Variants in CACNG3 observed in about 807,000 individuals in gnomAD.
CACNG3 encodes voltage-dependent calcium channel gamma-3 subunit.
A neutral mutation model predicts 28.5 loss-of-function variants in CACNG3; 3 were observed. That is an observed-to-expected ratio of 0.11 (90% confidence interval 0.05 to 0.27). The LOEUF (loss-of-function observed/expected upper bound fraction) is 0.27, where lower values mean the gene tolerates loss of function less well. Ranked by LOEUF, CACNG3 falls within the 10% of genes least tolerant of loss-of-function variation. CACNG3 has a pLI of 1.00. For synonymous variants in CACNG3, 174 were observed against 162.2 expected (o/e 1.07, Z -0.55); for missense variants, 236 against 414.4 (o/e 0.57, Z 3.74).
intron 1 of CACNG3, among the ~76,000 whole-genome samples, chr16:24,300,854 C>A (rs1431413292): frequency 6.6e-6 from 1 of 152,036 alleles, no homozygotes; most frequent in Non-Finnish European, 1.5e-5. Flanking sequence ...GAGTTTGACA[C>A]CAGCTTGGCC....
At chr16:24,339,772 AAT>A (rs1025318189) in intron 1 of CACNG3, among the ~76,000 whole-genome samples, 4 of 152,084 alleles carry the variant, frequency 2.6e-5, no homozygotes, top group Non-Finnish European at 5.9e-5. Context: ...TATAACTCTT[AAT>A]TCTGTTTTAT....
chr16:24,257,710 A>T (rs1898487108), intron 1 of CACNG3, among the ~76,000 whole-genome samples: 1 of 152,186 alleles, frequency 6.6e-6, no homozygotes. Flanking sequence ...CCAAACCCCT[A>T]AAAAGGTATT....
chr16:24,323,239 A>AAAAAAGAG (rs1555460944), intron 1 of CACNG3, among the ~76,000 whole-genome samples: 11 of 143,024 alleles, frequency 7.7e-5, no homozygotes, highest in African/African-American at 2.8e-4. Flanking sequence ...AAAAAAAAAA[A>AAAAAAGAG]AGAGAGAGAG....
chr16:24,285,159 G>C (rs1898876614), intron 1 of CACNG3, among the ~76,000 whole-genome samples: 1 of 152,178 alleles, frequency 6.6e-6, no homozygotes, highest in Non-Finnish European at 1.5e-5. Context: ...CTCTGGGAAA[G>C]GCACTGTGCT....
intron 3 of CACNG3, among the ~76,000 whole-genome samples, chr16:24,356,271 G>A (rs11864787): frequency 0.3 from 46,180 of 151,842 alleles, 8,194 homozygotes; most frequent in South Asian, 0.53. Context: ...GGACAGCGGT[G>A]GAGAGTATAA....
chr16:24,327,422 A>ATATG (rs1555461115), intron 1 of CACNG3, among the ~76,000 whole-genome samples: 2 of 101,718 alleles, frequency 2.0e-5, no homozygotes, highest in Non-Finnish European at 3.7e-5. Flanking sequence ...GAATATATAT[A>ATATG]TGTGTGTGTG....
chr16:24,257,208 T>C (rs1898470807), intron 1 of CACNG3, among the ~76,000 whole-genome samples: 1 of 151,996 alleles, frequency 6.6e-6, no homozygotes, highest in Non-Finnish European at 1.5e-5. Context: ...TCTAGGCAGC[T>C]TCTGCAGTTT....
chr16:24,361,665 C>G lies in CACNG3; in HGVS notation c.750C>G (p.Ile250Met), dbSNP rs148951012. The change falls in exon 4 of 4, where the codon ATC (isoleucine) becomes ATG (methionine). Residue 250 changes from isoleucine (I) to methionine (M), a missense_variant. By Grantham distance (10) the Ile-to-Met change is conservative. Transcript: ENST00000005284. The surrounding 1 kb of genome is among the most constrained non-coding windows in gnomAD (Gnocchi z 6.8). Reference protein sequence around the residue: ...TEPRSRDLSPISKGFHTIPST... With the variant: ...TEPRSRDLSPMSKGFHTIPST... ...CCAGATCCCGAGACCTGTCCCCCAT[C>G]AGCAAAGGCTTCCACACCATCCCTT... 1 of 1,613,968 alleles carries G rather than the reference C, an allele frequency of 6.2e-7. No homozygotes were observed. Among genetic ancestry groups the G allele is most frequent in the Non-Finnish European group, 8.5e-7 (1 of 1,179,980 alleles).
chr16:24,266,542 A>G (rs1416090757), intron 1 of CACNG3, among the ~76,000 whole-genome samples: 1 of 152,216 alleles, frequency 6.6e-6, no homozygotes, highest in African/African-American at 2.4e-5. Flanking sequence ...AGGAAGAAAA[A>G]GAGGGAAAAC....
intron 1 of CACNG3, among the ~76,000 whole-genome samples, chr16:24,293,222 T>C (rs1297953843): frequency 6.6e-6 from 1 of 152,222 alleles, no homozygotes; most frequent in African/African-American, 2.4e-5. Flanking sequence ...TAGTCTCAGC[T>C]CTGCCCTTAA....
chr16:24,265,350 GGAAAGAAA>G (rs3060119), intron 1 of CACNG3, among the ~76,000 whole-genome samples: 3 of 138,710 alleles, frequency 2.2e-5, no homozygotes, highest in African/African-American at 5.4e-5. Flanking sequence ...GAAAGAAAAA[GGAAAGAAA>G]GAAAGAAAGA....
At chr16:24,323,231 AAAAAAAAAAGAG>A (rs1204525196) in intron 1 of CACNG3, among the ~76,000 whole-genome samples, 1 of 145,198 alleles carries the variant, frequency 6.9e-6, no homozygotes, top group African/African-American at 2.5e-5. Flanking sequence ...AAAAAAAAAA[AAAAAAAAAAGAG>A]AGAGAGAGAA....
At chr16:24,356,386 C>T (rs2141384500) in intron 3 of CACNG3, among the ~76,000 whole-genome samples, 1 of 152,302 alleles carries the variant, frequency 6.6e-6, no homozygotes, top group South Asian at 2.1e-4. Flanking sequence ...GTTTCCTTCA[C>T]TATAACATGG....
chr16:24,302,067 A>G (rs966562709), intron 1 of CACNG3, among the ~76,000 whole-genome samples: 2 of 152,196 alleles, frequency 1.3e-5, no homozygotes, highest in African/African-American at 4.8e-5. Context: ...CTCTCCTGCT[A>G]TCCCCATGCT....
chr16:24,305,926 G>A (rs117076875), intron 1 of CACNG3, among the ~76,000 whole-genome samples: 4,830 of 152,224 alleles, frequency 0.032, 105 homozygotes, highest in Non-Finnish European at 0.051. Context: ...TCTGCCCTGT[G>A]CCTCCCAAAG....
chr16:24,356,643 A>C (rs1900036883), intron 3 of CACNG3, among the ~76,000 whole-genome samples: 1 of 152,118 alleles, frequency 6.6e-6, no homozygotes. Flanking sequence ...TCAAGGCTGC[A>C]GTCAGTCATG....
At chr16:24,307,327 G>A (rs1352001775) in intron 1 of CACNG3, among the ~76,000 whole-genome samples, 1 of 151,954 alleles carries the variant, frequency 6.6e-6, no homozygotes. Context: ...TCACCATGTT[G>A]GCCAGGTTGG....
rs1899871159 is a variant in CACNG3, at chr16:24,346,628, C to G, written c.212-106C>G. The G allele has an allele frequency of 5.4e-6, 4 of 745,448 alleles. No individual in the cohort carries two copies. In the South Asian group the frequency reaches 6.5e-5, roughly 12 times the overall value. 46.2% of individuals were successfully genotyped at this position (745,448 alleles called of 1,614,324 possible). ...GCCTACCAGCCCAACAACCCTACAG[C>G]CCCCAACAACCAGAGAAAGGATCTG... On this transcript the variant is annotated intron_variant, in intron 1 of 3. Coordinates refer to ENST00000005284, the MANE Select transcript of CACNG3 (RefSeq NM_006539.4).
At chr16:24,285,895 G>A (rs1188960446) in intron 1 of CACNG3, among the ~76,000 whole-genome samples, 1 of 147,980 alleles carries the variant, frequency 6.8e-6, no homozygotes, top group Non-Finnish European at 1.5e-5. Flanking sequence ...CCAGGCTGGA[G>A]AGCAGTGGCG....
Sources: allele counts gnomAD v4.1 joint callset (sites outside exome capture counted in the v4.1 genomes callset), GRCh38; gene constraint gnomAD v4.1.1; non-coding constraint Gnocchi (gnomAD v3.1); transcripts MANE v1.5; gene names NCBI Gene and HGNC (gene_info 2026-07-23, HGNC 2026-07-21).